PDLIM5: variants seen among roughly 807,000 people sequenced by gnomAD.
PDLIM5 encodes PDZ and LIM domain 5.
PDLIM5 carries 34 observed loss-of-function variants against 64.2 expected under a neutral mutation model. That is an observed-to-expected ratio of 0.53 (90% confidence interval 0.40 to 0.71). PDLIM5 has a LOEUF of 0.71. Among genes scored for constraint, PDLIM5 ranks in the 30% least tolerant of loss-of-function variants. The probability of loss-of-function intolerance (pLI) is 0.00; values close to 1 mark genes in which losing one functional copy is unlikely to be tolerated. For synonymous variants in PDLIM5, 253 were observed against 269.1 expected, an observed-to-expected ratio of 0.94 and a Z score of 0.59; for missense variants, 683 against 733.6, an observed-to-expected ratio of 0.93 and a Z score of 0.80.
At chr4:94,581,455 T>A (rs1244819539) in intron 5 of PDLIM5, among the ~76,000 whole-genome samples, 1 of 152,128 alleles carries the variant, frequency 6.6e-6, no homozygotes, top group Non-Finnish European at 1.5e-5. Context: ...CAAAACTATT[T>A]CCCTGCTACT....
chr4:94,452,683 A>G (rs1459118194), intron 1 of PDLIM5, among the ~76,000 whole-genome samples: 1 of 152,166 alleles, frequency 6.6e-6, no homozygotes, highest in East Asian at 1.9e-4. Context: ...GGAAAAAGGA[A>G]GGGCGTGTGG....
intron 7 of PDLIM5, chr4:94,607,962 C>A: frequency 2.6e-6 from 2 of 762,062 alleles, no homozygotes; most frequent in Non-Finnish European, 3.9e-6. Context: ...CAAAATTGAA[C>A]TAGTAGACAT....
Position 94,657,455 on chromosome 4 carries a change from G to C in PDLIM5, c.1493G>C (p.Trp498Ser), listed in dbSNP as rs762186735. The C allele has an allele frequency of 6.2e-7, 1 of 1,602,030 alleles. No individual in the cohort carries two copies. The highest frequency in any genetic ancestry group is 2.2e-5 in the East Asian group (1 of 44,792). Residue 498 changes from tryptophan (W) to serine (S), a missense_variant, in exon 11 of 13, where the codon TGG (tryptophan) becomes TCG (serine). Transcript: ENST00000317968. ...GTCATCAGTGCGTTGAAACAAACTT[G>C]GCATGTTTCCTGTTTTGTGTGTGTA... ...GEVISALKQT[W>S]HVSCFVCVAC...
intron 3 of PDLIM5, among the ~76,000 whole-genome samples, chr4:94,571,396 A>T (rs1444155230): frequency 6.6e-6 from 1 of 152,192 alleles, no homozygotes; most frequent in Non-Finnish European, 1.5e-5. Flanking sequence ...TGAACTGAGG[A>T]TACTACTGGG....
chr4:94,479,051 C>T (rs1725607456), intron 2 of PDLIM5, among the ~76,000 whole-genome samples: 1 of 151,198 alleles, frequency 6.6e-6, no homozygotes, highest in African/African-American at 2.4e-5. Context: ...AGGCATGTGC[C>T]ACCGGGGCTG....
At chr4:94,659,486 ATGTGTGTATGTGTGTG>A (rs1157514757) in intron 11 of PDLIM5, among the ~76,000 whole-genome samples, 26 of 113,412 alleles carry the variant, frequency 2.3e-4, no homozygotes, top group South Asian at 1.3e-3. Flanking sequence ...TGTAGTATAT[ATGTGTGTATGTGTGTG>A]TGTGTGTGTG....
At chr4:94,554,819 A>G (rs1243940999) in intron 3 of PDLIM5, among the ~76,000 whole-genome samples, 1 of 152,216 alleles carries the variant, frequency 6.6e-6, no homozygotes, top group African/African-American at 2.4e-5. Flanking sequence ...GTATCTGTGT[A>G]TACCGAATGG....
At position 94,668,191 on chromosome 4, in the gene PDLIM5, TACTC is replaced by T. The variant is rs963154491; in HGVS notation, c.*4126_*4129del. 2.0e-5 allele frequency: 3 copies of T among 152,162 alleles called. No individual in the cohort carries two copies. Among genetic ancestry groups the T allele is most frequent in the Non-Finnish European group, 2.9e-5 (2 of 68,000 alleles). 9.4% of individuals were successfully genotyped at this position (152,162 alleles called of 1,614,324 possible). On this transcript the variant is annotated 3_prime_UTR_variant, in exon 13 of 13. Transcript: ENST00000317968. ...TAGTAATAATACCATAATGTGCACA[TACTC>T]AATAAATAAATGACTGCATTGTTGT...
chr4:94,528,727 G>A (rs966430781), intron 3 of PDLIM5, among the ~76,000 whole-genome samples: 38 of 152,104 alleles, frequency 2.5e-4, no homozygotes, highest in African/African-American at 8.5e-4. Flanking sequence ...AGAGGACTGA[G>A]ACAGATAATA....
intron 9 of PDLIM5, among the ~76,000 whole-genome samples, chr4:94,647,627 G>A (rs1054257221): frequency 2.1e-4 from 32 of 152,040 alleles, no homozygotes; most frequent in African/African-American, 7.7e-4. Flanking sequence ...TAGAAAACTT[G>A]AACAACACTA....
In PDLIM5 at chr4:94,586,420, A is replaced by G; in HGVS notation, c.896A>G (p.Glu299Gly). 1 of 1,523,042 alleles carries G rather than the reference A, an allele frequency of 6.6e-7. No individual in the cohort carries two copies. Among genetic ancestry groups the G allele is most frequent in the Admixed American group, 1.7e-5 (1 of 57,946 alleles). The allele number at this position is 1,523,042 out of a possible 1,614,324, so 94.3% of individuals were successfully genotyped here. The part of the protein sequence containing the change: ...ITGTEHLKES[E>G]ADNTKKANNS... ...TATTATATTTCAGTGAAAGAATCTGAAGCCGATAATACAAAGAAGGCAAAG... is the reference window on the plus strand; with the variant it reads ...TATTATATTTCAGTGAAAGAATCTGGAGCCGATAATACAAAGAAGGCAAAG... Residue 299 changes from glutamate to glycine, a missense_variant, in exon 7 of 13, where the codon GAA (glutamate) becomes GGA (glycine). Physicochemically the swap from Glu to Gly is moderately conservative, Grantham distance 98. Coordinates refer to ENST00000317968, the MANE Select transcript of PDLIM5 (RefSeq NM_006457.5).
chr4:94,614,622 G>A lies in PDLIM5; in HGVS notation c.921-3382G>A, dbSNP rs565647655. On this transcript the variant is annotated intron_variant, in intron 7 of 12. Transcript: ENST00000317968. ...AACTTCAGATCAATTCTGGATTTAA[G>A]CATAAATGGAAAAACTGCCTTGGTA... is the stretch of plus-strand genomic sequence containing the variant. Among the ~76,000 whole-genome samples the A allele has an allele frequency of 3.3e-5, 5 of 152,256 alleles. No homozygotes were observed. In the South Asian group the frequency reaches 1.0e-3, roughly 32 times the overall value.
intron 3 of PDLIM5, among the ~76,000 whole-genome samples, chr4:94,568,301 A>G (rs571667988): frequency 6.6e-6 from 1 of 152,326 alleles, no homozygotes; most frequent in South Asian, 2.1e-4. Context: ...TGAATAGTTG[A>G]GATCATTTGA....
rs757810779 is a variant in PDLIM5 at position 94,575,960 on chromosome 4, G to A, written c.636G>A (p.Val212=). 2 of 1,614,184 alleles carry A rather than the reference G, an allele frequency of 1.2e-6. No homozygotes were observed. Among genetic ancestry groups the A allele is most frequent in the Non-Finnish European group, 1.7e-6 (2 of 1,180,024 alleles). ...NVPRQPTVTS[V]CSETSQELAE... ...CACGGCAGCCCACAGTCACCAGCGT[G>A]TGTTCCGAGACTTCTCAGGAGCTAG... The change falls in exon 5 of 13, where the codon GTG becomes GTA. Residue 212 remains valine, a synonymous_variant. Coordinates refer to ENST00000317968, the MANE Select transcript of PDLIM5 (RefSeq NM_006457.5).
At chr4:94,504,919 C>T (rs1728255174) in intron 2 of PDLIM5, among the ~76,000 whole-genome samples, 1 of 152,154 alleles carries the variant, frequency 6.6e-6, no homozygotes, top group African/African-American at 2.4e-5. Flanking sequence ...TATTAGATTC[C>T]TGGGTCCTCA....
chr4:94,474,509 C>CAA (rs1300425147), intron 2 of PDLIM5, among the ~76,000 whole-genome samples: 1 of 152,136 alleles, frequency 6.6e-6, no homozygotes, highest in Non-Finnish European at 1.5e-5. Flanking sequence ...CCTTGGCTTC[C>CAA]CAAAGTGCTG....
At chr4:94,582,798 ATAC>A in intron 5 of PDLIM5, 1 of 978,854 alleles carries the variant, frequency 1.0e-6, no homozygotes. Context: ...TTTCAATTTA[ATAC>A]TACCAGCAAA....
At position 94,665,875 on chromosome 4, in the gene PDLIM5, G is replaced by C. The variant is rs1239233012; in HGVS notation, c.*1808G>C. The C allele has an allele frequency of 7.1e-7, 1 of 1,417,620 alleles. No individual in the cohort carries two copies. The highest frequency in any genetic ancestry group is 9.2e-7 in the Non-Finnish European group (1 of 1,092,892). The allele number at this position is 1,417,620 out of a possible 1,614,324, so 87.8% of individuals were successfully genotyped here. ...GGAGTTTAATTACTCAGATTGGCCTGTTATTTGATTTCCTCCTTTGGGAAA... is the reference window on the plus strand; with the variant it reads ...GGAGTTTAATTACTCAGATTGGCCTCTTATTTGATTTCCTCCTTTGGGAAA... On this transcript the variant is annotated 3_prime_UTR_variant, in exon 13 of 13. Coordinates refer to ENST00000317968, the MANE Select transcript of PDLIM5 (RefSeq NM_006457.5).
chr4:94,632,740 C>CTT (rs1740256269), intron 8 of PDLIM5, among the ~76,000 whole-genome samples: 1 of 152,050 alleles, frequency 6.6e-6, no homozygotes, highest in African/African-American at 2.4e-5. Context: ...AGCAGGGAGG[C>CTT]GGAAGAGAGG....
Sources: allele counts gnomAD v4.1 joint callset (sites outside exome capture counted in the v4.1 genomes callset), GRCh38; gene constraint gnomAD v4.1.1; transcripts MANE v1.5; gene names NCBI Gene and HGNC (gene_info 2026-07-23, HGNC 2026-07-21).